The following SCFD2 variants were observed in gnomAD, a reference collection of about 807,000 sequenced individuals.
The protein encoded by SCFD2 is sec1 family domain-containing protein 2.
In SCFD2, 54 loss-of-function variants were observed where a neutral mutation model predicts 58.9. The ratio of observed to expected loss-of-function variants is 0.92; its 90% CI spans 0.74 to 1.15. The LOEUF (loss-of-function observed/expected upper bound fraction) is 1.15, where lower values mean the gene tolerates loss of function less well. Ranked by LOEUF, SCFD2 falls within the 50% of genes most tolerant of loss-of-function variation. The pLI, the probability that SCFD2 is intolerant of heterozygous loss-of-function variation, is 0.00. For missense variants in SCFD2, 805 were observed against 836.6 expected (o/e 0.96, Z 0.47); for synonymous variants, 321 against 335.9 (o/e 0.96, Z 0.49).
intron 5 of SCFD2, among the ~76,000 whole-genome samples, chr4:53,083,563 A>T (rs764389350): frequency 9.9e-5 from 15 of 152,224 alleles, no homozygotes; most frequent in Non-Finnish European, 2.1e-4. Flanking sequence ...AGATACTAGC[A>T]AACCAAATTC....
rs1726221232 is a variant in SCFD2, at chr4:53,143,230, ATAAATGT to A, written c.1561+2096_1561+2102del. 2.0e-5 allele frequency among the ~76,000 whole-genome samples: 3 copies of A among 152,330 alleles called. No individual in the cohort carries two copies. The South Asian group carries it at 6.2e-4, about 32-fold the overall frequency. Reference sequence around the variant, plus strand: ...AGTTCCAAAAGTACCATAGCAACATATAAATGTTTAAAAAAGCTATCCAAATAACCTA... The same window carrying A: ...AGTTCCAAAAGTACCATAGCAACATATTAAAAAAGCTATCCAAATAACCTA... On this transcript the variant is annotated intron_variant, in intron 5 of 8. Coordinates refer to ENST00000401642, the MANE Select transcript of SCFD2 (RefSeq NM_152540.4).
Position 53,281,477 on chromosome 4 carries a change from T to C in SCFD2, c.1136-7476A>G, listed in dbSNP as rs556973444. Among the ~76,000 whole-genome samples, 132 of 152,302 alleles carry C rather than the reference T, an allele frequency of 8.7e-4. 2 individuals carry two copies. The highest frequency in any genetic ancestry group is 3.0e-3 in the African/African-American group (123 of 41,574). On this transcript the variant is annotated intron_variant, in intron 3 of 8. Coordinates refer to ENST00000401642, the MANE Select transcript of SCFD2 (RefSeq NM_152540.4). Reference sequence around the variant, plus strand: ...AACTATTGGTTAGTAGACAGCACCATGAAAGAAATCCTCAAATGTTAATTC... The same window carrying C: ...AACTATTGGTTAGTAGACAGCACCACGAAAGAAATCCTCAAATGTTAATTC...
At chr4:53,004,520 C>T (rs114346935) in intron 5 of SCFD2, among the ~76,000 whole-genome samples, 2,049 of 152,268 alleles carry the variant, frequency 0.013, 30 homozygotes, top group Non-Finnish European at 0.021. Context: ...AAGATAGGTA[C>T]TATTATGATT....
intron 5 of SCFD2, among the ~76,000 whole-genome samples, chr4:53,022,311 C>T (rs1722368904): frequency 6.6e-6 from 1 of 152,160 alleles, no homozygotes; most frequent in South Asian, 2.1e-4. Flanking sequence ...TTCTATTCCC[C>T]TCCACCTATA....
rs548403444 is a variant in SCFD2, at chr4:53,242,572, G to T, written c.1311+31254C>A. On this transcript the variant is annotated intron_variant, in intron 4 of 8. Transcript: ENST00000401642. ...AACTCTGACCACTCAAAAAGCCAGT[G>T]TCTTCTTCCCTCCAAATGACTGCAC... Among the ~76,000 whole-genome samples the T allele has an allele frequency of 2.6e-5, 4 of 152,354 alleles. No homozygotes were observed. The East Asian group carries it at 7.7e-4, about 29-fold the overall frequency.
chr4:53,177,189 C>T (rs1394998208), intron 4 of SCFD2, among the ~76,000 whole-genome samples: 1 of 152,146 alleles, frequency 6.6e-6, no homozygotes, highest in Non-Finnish European at 1.5e-5. Context: ...CATAGGTCAT[C>T]CCCTTATAAA....
At chr4:53,106,528 T>C (rs1006137449) in intron 5 of SCFD2, among the ~76,000 whole-genome samples, 1 of 152,150 alleles carries the variant, frequency 6.6e-6, no homozygotes, top group Non-Finnish European at 1.5e-5. Context: ...AGAACATAAA[T>C]GATCTGATGG....
intron 4 of SCFD2, among the ~76,000 whole-genome samples, chr4:53,223,114 G>GA (rs1413600504): frequency 6.6e-6 from 1 of 151,898 alleles, no homozygotes; most frequent in Non-Finnish European, 1.5e-5. Context: ...TTGGCTTTCT[G>GA]AAAAAAATAT....
At chr4:53,117,024 A>T (rs893347349) in intron 5 of SCFD2, among the ~76,000 whole-genome samples, 1 of 152,228 alleles carries the variant, frequency 6.6e-6, no homozygotes, top group Admixed American at 6.5e-5. Context: ...AAACTTCTGC[A>T]TCTTATCTAA....
chr4:53,229,687 A>T (rs1729363181), intron 4 of SCFD2, among the ~76,000 whole-genome samples: 1 of 152,228 alleles, frequency 6.6e-6, no homozygotes, highest in African/African-American at 2.4e-5. Context: ...AACCTAGGCA[A>T]TACCATTCAG....
intron 5 of SCFD2, among the ~76,000 whole-genome samples, chr4:53,052,873 G>A (rs141745992): frequency 1.3e-5 from 2 of 152,136 alleles, no homozygotes; most frequent in Non-Finnish European, 2.9e-5. Context: ...TGGAATGAAA[G>A]AAGCCAGACA....
At chr4:53,254,792 T>C (rs911758506) in intron 4 of SCFD2, among the ~76,000 whole-genome samples, 2 of 150,766 alleles carry the variant, frequency 1.3e-5, no homozygotes, top group Admixed American at 6.6e-5. Flanking sequence ...AAACACTTCA[T>C]GTTTATTTTA....
intron 5 of SCFD2, among the ~76,000 whole-genome samples, chr4:53,077,166 G>A (rs6822050): frequency 0.74 from 112,703 of 152,030 alleles, 41,890 homozygotes; most frequent in Middle Eastern, 0.87. Context: ...TCACAGTGTG[G>A]CAAGAAAAAT....
intron 5 of SCFD2, among the ~76,000 whole-genome samples, chr4:53,093,012 C>T (rs1424983522): frequency 6.6e-6 from 1 of 152,056 alleles, no homozygotes; most frequent in African/African-American, 2.4e-5. Context: ...AGAGTAGTGT[C>T]CATGGCTGGA....
At chr4:52,970,688 G>A (rs977134855) in intron 5 of SCFD2, among the ~76,000 whole-genome samples, 1 of 152,224 alleles carries the variant, frequency 6.6e-6, no homozygotes. Context: ...CCAGCACGCA[G>A]CCGGAAATAT....
At chr4:53,132,695 T>G (rs1725819073) in intron 5 of SCFD2, among the ~76,000 whole-genome samples, 1 of 152,220 alleles carries the variant, frequency 6.6e-6, no homozygotes, top group Non-Finnish European at 1.5e-5. Context: ...TTTCACTTAC[T>G]GTAATGAGTT....
chr4:53,216,267 G>T (rs537212099), intron 4 of SCFD2, among the ~76,000 whole-genome samples: 1 of 152,074 alleles, frequency 6.6e-6, no homozygotes, highest in South Asian at 2.1e-4. Context: ...CTGTGAATTC[G>T]TCTGGCTCTG....
intron 4 of SCFD2, among the ~76,000 whole-genome samples, chr4:53,244,537 G>A (rs1405832366): frequency 6.6e-6 from 1 of 152,086 alleles, no homozygotes; most frequent in Non-Finnish European, 1.5e-5. Flanking sequence ...GAAGTTCTCT[G>A]AAACTAATGA....
chr4:53,062,943 G>A (rs1283612185), intron 5 of SCFD2, among the ~76,000 whole-genome samples: 9 of 152,026 alleles, frequency 5.9e-5, no homozygotes, highest in African/African-American at 1.9e-4. Flanking sequence ...GGTGCACAGC[G>A]ATACAAAAAC....
Sources: allele counts gnomAD v4.1 joint callset (sites outside exome capture counted in the v4.1 genomes callset), GRCh38; gene constraint gnomAD v4.1.1; transcripts MANE v1.5; gene names NCBI Gene and HGNC (gene_info 2026-07-23, HGNC 2026-07-21).